Variants in ANK1 observed in about 807,000 individuals in gnomAD.
ANK1 encodes the protein ankyrin 1, also known as ankyrin-1.
ANK1 carries 51 observed loss-of-function variants against 210.4 expected under a neutral mutation model. The ratio of observed to expected loss-of-function variants is 0.24; its 90% CI spans 0.19 to 0.31. The LOEUF is 0.31. Among genes scored for constraint, ANK1 ranks in the 10% least tolerant of loss-of-function variants. The pLI is 1.00. For missense variants in ANK1, 2,051 were observed against 2,504.4 expected (o/e 0.82, Z 3.86); for synonymous variants, 967 against 1,025.9 (o/e 0.94, Z 1.10).
intron 23 of ANK1, 85 bp from the exon 24 acceptor site, chr8:41,698,206 T>TC: frequency 7.0e-7 from 1 of 1,423,910 alleles, no homozygotes; most frequent in Non-Finnish European, 9.8e-7. Flanking sequence ...AGCCTCTCCC[T>TC]CCGGCTTTCC....
chr8:41,669,079 C>T (rs950116359), intron 38 of ANK1, among the ~76,000 whole-genome samples: 1 of 151,496 alleles, frequency 6.6e-6, no homozygotes, highest in East Asian at 2.0e-4. Flanking sequence ...ATGTCCTCTG[C>T]TTGTTCCTCC....
chr8:41,666,769 A>G (rs475831), intron 39 of ANK1, among the ~76,000 whole-genome samples: 118,499 of 152,254 alleles, frequency 0.78, 46,473 homozygotes, highest in Admixed American at 0.82. Flanking sequence ...CTCCAGTTCC[A>G]GGCTGGGCAT....
At chr8:41,693,558 C>T (rs1314066794) in intron 29 of ANK1, among the ~76,000 whole-genome samples, 1 of 150,794 alleles carries the variant, frequency 6.6e-6, no homozygotes, top group Admixed American at 6.7e-5. Context: ...CTGCCTCAGC[C>T]TCTGGAGTAG....
At chr8:41,852,420 C>T (rs1270644923) in intron 1 of ANK1, among the ~76,000 whole-genome samples, 1 of 152,188 alleles carries the variant, frequency 6.6e-6, no homozygotes, top group South Asian at 2.1e-4. Flanking sequence ...TTGCGAGAGG[C>T]TCTGCTGATG....
At chr8:41,854,627 C>T (rs1341703157) in intron 1 of ANK1, among the ~76,000 whole-genome samples, 1 of 152,072 alleles carries the variant, frequency 6.6e-6, no homozygotes, top group Admixed American at 6.6e-5. Flanking sequence ...AGCATTGGCC[C>T]CAGATGGGAG....
At chr8:41,789,719 G>A (rs776512423) in intron 1 of ANK1, among the ~76,000 whole-genome samples, 19 of 152,166 alleles carry the variant, frequency 1.2e-4, no homozygotes, top group Non-Finnish European at 2.8e-4. Context: ...CGTGAGCTGG[G>A]AACCTCGCTG....
chr8:41,891,816 T>C (rs893278545), intron 1 of ANK1, among the ~76,000 whole-genome samples: 3 of 152,238 alleles, frequency 2.0e-5, no homozygotes, highest in Non-Finnish European at 4.4e-5. Context: ...AAAGCAGGGA[T>C]ACCAAAGTTG....
intron 1 of ANK1, among the ~76,000 whole-genome samples, chr8:41,784,384 A>G (rs1201707308): frequency 1.3e-5 from 2 of 152,360 alleles, no homozygotes; most frequent in East Asian, 3.9e-4. Context: ...TCCTTTTGGG[A>G]TAGAATTAAT....
chr8:41,818,329 A>G (rs1803657570), intron 1 of ANK1, among the ~76,000 whole-genome samples: 1 of 152,218 alleles, frequency 6.6e-6, no homozygotes, highest in Admixed American at 6.5e-5. Context: ...TTGTGGATAT[A>G]AGAGAGCACA....
chr8:41,715,742 G>A lies in ANK1; in HGVS notation c.1512C>T (p.His504=), dbSNP rs753243445. The change falls in exon 14 of 43, where the codon CAC becomes CAT. Residue 504 remains histidine, a synonymous_variant. Coordinates refer to ENST00000289734, the MANE Select transcript of ANK1 (RefSeq NM_000037.4). ...CACGGGCTGCAATGTGCAGGGGGGT[G>A]TGCCCGGCGGTGGTGGCCAGGTTGG... ...ANPNLATTAG[H]TPLHIAAREG... The A allele has an allele frequency of 6.2e-7, 1 of 1,614,200 alleles. No individual in the cohort carries two copies. The highest frequency in any genetic ancestry group is 1.1e-5 in the South Asian group (1 of 91,082).
Position 41,723,552 on chromosome 8 carries a change from T to C in ANK1, c.793A>G (p.Ile265Val). The C allele has an allele frequency of 6.2e-7, 1 of 1,614,098 alleles. No individual in the cohort carries two copies. The highest frequency in any genetic ancestry group is 8.5e-7 in the Non-Finnish European group (1 of 1,179,998). The change falls in exon 8 of 43, where the codon ATA becomes GTA. Residue 265 changes from isoleucine to valine, a missense_variant. Physicochemically the swap from Ile to Val is conservative, Grantham distance 29. This residue lies in a region of ANK1 where 1,413 missense variants were observed against 1,707.4 expected (regional missense o/e 0.83). Transcript: ENST00000289734. ...VRLLLDRGAQ[I>V]ETKTKDELTP... ...GCACCCACCTTGGTCTTGGTTTCTA[T>C]CTGGGCTCCCCGATCCAGCAGCAGC...
At position 41,668,454 on chromosome 8, in the gene ANK1, C is replaced by A. The variant is rs570462436; in HGVS notation, c.5207G>T (p.Ser1736Ile). 12 of 1,614,234 alleles carry A rather than the reference C, an allele frequency of 7.4e-6. No individual in the cohort carries two copies. Among genetic ancestry groups the A allele is most frequent in the Middle Eastern group, 1.6e-4 (1 of 6,062 alleles). Residue 1736 changes from serine to isoleucine, a missense_variant, in exon 39 of 43, where the codon AGT (serine) becomes ATT (isoleucine). Coordinates refer to ENST00000289734, the MANE Select transcript of ANK1 (RefSeq NM_000037.4). ...GGGCTCTAGCCCTTCAGTCATGGTA[C>A]TTGTTCCCTGGAATGAGTGTGGACC... Reference protein sequence around the residue: ...TQGPHSFQGTSTMTEGLEPGG... With the variant: ...TQGPHSFQGTITMTEGLEPGG...
intron 2 of ANK1, among the ~76,000 whole-genome samples, chr8:41,749,113 A>G (rs1468470833): frequency 2.6e-5 from 4 of 152,100 alleles, no homozygotes; most frequent in African/African-American, 7.2e-5. Context: ...CACTTACGAT[A>G]CTGAATTTGT....
At chr8:41,736,215 G>A (rs938962310) in intron 2 of ANK1, among the ~76,000 whole-genome samples, 1 of 152,212 alleles carries the variant, frequency 6.6e-6, no homozygotes, top group African/African-American at 2.4e-5. Context: ...TGGGCAGGCA[G>A]AAACCAACTC....
At chr8:41,664,158 C>T (rs1484227571) in intron 39 of ANK1, 3 of 458,334 alleles carry the variant, frequency 6.5e-6, no homozygotes, top group South Asian at 4.6e-5. Context: ...AACCCCAGAG[C>T]CAGTTGGTGA....
At chr8:41,849,815 C>A (rs1185869236) in intron 1 of ANK1, among the ~76,000 whole-genome samples, 1 of 152,226 alleles carries the variant, frequency 6.6e-6, no homozygotes, top group East Asian at 1.9e-4. Flanking sequence ...TTCCTCTTAA[C>A]TCTTTTTCAC....
intron 1 of ANK1, among the ~76,000 whole-genome samples, chr8:41,772,744 G>T (rs942560461): frequency 2.6e-5 from 4 of 152,188 alleles, no homozygotes; most frequent in African/African-American, 9.7e-5. Flanking sequence ...CCTGCTGCTG[G>T]CTGTGGCCAG....
chr8:41,729,554 C>T (rs369973952), intron 3 of ANK1, among the ~76,000 whole-genome samples: 7 of 152,158 alleles, frequency 4.6e-5, no homozygotes, highest in South Asian at 2.1e-4. Flanking sequence ...CCGTGCCCAG[C>T]CAATTTTTAA....
intron 2 of ANK1, among the ~76,000 whole-genome samples, chr8:41,747,814 A>G (rs1326686438): frequency 1.3e-5 from 2 of 152,134 alleles, no homozygotes; most frequent in Non-Finnish European, 2.9e-5. Context: ...CTAGGATTCC[A>G]TGGAATGTCC....
Sources: gnomAD v4.1 joint callset for allele counts (sites outside exome capture counted in the v4.1 genomes callset) on GRCh38, gnomAD v4.1.1 for gene constraint, gnomAD v4.1.1 regional missense constraint, MANE v1.5 for transcripts, NCBI Gene and HGNC (gene_info 2026-07-23, HGNC 2026-07-21) for gene names.